The following CCDC91 variants were observed in gnomAD, a reference collection of about 807,000 sequenced individuals.
The protein encoded by CCDC91 is coiled-coil domain containing 91.
A neutral mutation model predicts 63.2 loss-of-function variants in CCDC91; 48 were observed. The ratio of observed to expected loss-of-function variants is 0.76; its 90% CI spans 0.60 to 0.97. CCDC91 has a LOEUF of 0.97. CCDC91 is among the 50% of genes least tolerant of loss of function. The pLI is 0.00. For missense variants in CCDC91, 500 were observed against 494.6 expected (o/e 1.01, Z -0.10); for synonymous variants, 167 against 165.8 (o/e 1.01, Z -0.06).
intron 6 of CCDC91, among the ~76,000 whole-genome samples, chr12:28,354,755 A>T (rs1943414041): frequency 6.6e-6 from 1 of 152,172 alleles, no homozygotes; most frequent in Non-Finnish European, 1.5e-5. Context: ...TGGAGACCAG[A>T]CTTAAAGTGG....
At chr12:28,245,856 T>C (rs550163244) in intron 1 of CCDC91, among the ~76,000 whole-genome samples, 4 of 152,296 alleles carry the variant, frequency 2.6e-5, no homozygotes, top group African/African-American at 9.6e-5. Context: ...CTTTTTCATT[T>C]TCCTGTGAAA....
At chr12:28,470,029 A>G (rs1950735342) in intron 11 of CCDC91, among the ~76,000 whole-genome samples, 1 of 152,192 alleles carries the variant, frequency 6.6e-6, no homozygotes, top group Non-Finnish European at 1.5e-5. Flanking sequence ...CTGGGCAAAG[A>G]TTTCTTGAGT....
chr12:28,270,133 G>T (rs1482427877), intron 3 of CCDC91, among the ~76,000 whole-genome samples: 1 of 150,890 alleles, frequency 6.6e-6, no homozygotes, highest in Non-Finnish European at 1.5e-5. Context: ...TGTTTTTTTT[G>T]GAGTGACTGT....
At chr12:28,220,889 A>G (rs1943892521) in intron 1 of CCDC91, among the ~76,000 whole-genome samples, 1 of 151,946 alleles carries the variant, frequency 6.6e-6, no homozygotes, top group African/African-American at 2.4e-5. Flanking sequence ...GTTTTCTGTA[A>G]TTAGATTATG....
In CCDC91 at chr12:28,452,501, T is replaced by A. The variant is rs375729372; in HGVS notation, c.948T>A (p.Asp316Glu). ...AGCTTGAAAAAGAAGCAGTGAAGGA[T>A]GCAGTTTTAAAAGTCGTAGAAGAAG... ...AAKLEKEAVK[D>E]AVLKVVEEER... Residue 316 changes from aspartate (D) to glutamate (E), a missense_variant, in exon 11 of 13, where the codon GAT (aspartate) becomes GAA (glutamate). Physicochemically the swap from Asp to Glu is conservative, Grantham distance 45 (BLOSUM62 2). Transcript: ENST00000536442. 3 of 1,571,706 alleles carry A rather than the reference T, an allele frequency of 1.9e-6. No homozygotes were observed. In the African/African-American group the frequency reaches 4.2e-5, roughly 22 times the overall value.
intron 6 of CCDC91, among the ~76,000 whole-genome samples, chr12:28,331,771 C>T (rs1941534349): frequency 6.6e-6 from 1 of 152,096 alleles, no homozygotes; most frequent in South Asian, 2.1e-4. Flanking sequence ...CTTTGGGACA[C>T]ATTTCTTAGG....
intron 11 of CCDC91, among the ~76,000 whole-genome samples, chr12:28,477,775 C>CA (rs1466637398): frequency 6.6e-6 from 1 of 152,126 alleles, no homozygotes; most frequent in Non-Finnish European, 1.5e-5. Flanking sequence ...TCTCAGGATA[C>CA]AAAATCAATG....
At chr12:28,363,273 A>T (rs750452660) in intron 7 of CCDC91, among the ~76,000 whole-genome samples, 1 of 152,126 alleles carries the variant, frequency 6.6e-6, no homozygotes, top group Admixed American at 6.5e-5. Flanking sequence ...TGATTAAAAA[A>T]AATGTTATCT....
chr12:28,504,757 AT>A (rs1938493362), intron 12 of CCDC91, among the ~76,000 whole-genome samples: 1 of 151,940 alleles, frequency 6.6e-6, no homozygotes, highest in African/African-American at 2.4e-5. Flanking sequence ...CACTTAAAAT[AT>A]TCTTACGCAT....
At chr12:28,421,979 C>T (rs1948042078) in intron 8 of CCDC91, among the ~76,000 whole-genome samples, 1 of 152,052 alleles carries the variant, frequency 6.6e-6, no homozygotes, top group Non-Finnish European at 1.5e-5. Context: ...TTGTGCTTTT[C>T]TAATTTGCCT....
intron 8 of CCDC91, among the ~76,000 whole-genome samples, chr12:28,406,464 C>T (rs755183496): frequency 1.3e-5 from 2 of 152,010 alleles, no homozygotes; most frequent in Non-Finnish European, 2.9e-5. Flanking sequence ...CACAATTTTG[C>T]TCATTTGTTG....
At chr12:28,545,855 C>T (rs553038772) in intron 12 of CCDC91, among the ~76,000 whole-genome samples, 1 of 152,142 alleles carries the variant, frequency 6.6e-6, no homozygotes, top group South Asian at 2.1e-4. Context: ...TGTTACTTAG[C>T]AACAGAGGTT....
chr12:28,537,092 G>A (rs1300114579), intron 12 of CCDC91, among the ~76,000 whole-genome samples: 1 of 152,014 alleles, frequency 6.6e-6, no homozygotes, highest in Non-Finnish European at 1.5e-5. Flanking sequence ...TAAATTTGTT[G>A]TTGTGGCAAC....
intron 1 of CCDC91, among the ~76,000 whole-genome samples, chr12:28,224,694 GAATTA>G (rs916941264): frequency 6.6e-6 from 1 of 152,164 alleles, no homozygotes; most frequent in African/African-American, 2.4e-5. Flanking sequence ...AAGAGAAATT[GAATTA>G]AATTCTTGAG....
intron 11 of CCDC91, among the ~76,000 whole-genome samples, chr12:28,478,194 C>A (rs1422524117): frequency 6.6e-6 from 1 of 152,178 alleles, no homozygotes; most frequent in African/African-American, 2.4e-5. Flanking sequence ...AGGCATCACA[C>A]TACCTGACTT....
rs760161955 is a variant in CCDC91, at chr12:28,307,641, T to TG, written c.472-4_472-3insG. The TG allele has an allele frequency of 6.9e-7, 1 of 1,444,536 alleles. No homozygotes were observed. The highest frequency in any genetic ancestry group is 9.5e-7 in the Non-Finnish European group (1 of 1,057,568). 89.5% of individuals were successfully genotyped at this position (1,444,536 alleles called of 1,614,324 possible). Reference sequence around the variant, plus strand: ...CAAAGCTTGTATTTGTATTTTTATTTTAGGATGTGGAATCATTGATGGAAA... The same window carrying TG: ...CAAAGCTTGTATTTGTATTTTTATTTGTAGGATGTGGAATCATTGATGGAAA... On this transcript the variant is annotated splice_region_variant and splice_polypyrimidine_tract_variant and intron_variant, in intron 5 of 12. Transcript: ENST00000536442.
At chr12:28,521,696 A>G (rs1356119797) in intron 12 of CCDC91, among the ~76,000 whole-genome samples, 1 of 152,130 alleles carries the variant, frequency 6.6e-6, no homozygotes, top group Non-Finnish European at 1.5e-5. Flanking sequence ...TCAGTATGAT[A>G]TTGGCTGTGG....
At chr12:28,290,280 CTG>C (rs1364478410) in intron 3 of CCDC91, among the ~76,000 whole-genome samples, 2 of 152,050 alleles carry the variant, frequency 1.3e-5, no homozygotes, top group East Asian at 3.9e-4. Context: ...TTTTGGATCT[CTG>C]TTGGTTTGAA....
chr12:28,415,015 T>C (rs755444318), intron 8 of CCDC91, among the ~76,000 whole-genome samples: 12 of 152,200 alleles, frequency 7.9e-5, no homozygotes, highest in Non-Finnish European at 1.2e-4. Context: ...GGTCAAATAA[T>C]ATAGAAAACA....
Sources: allele counts gnomAD v4.1 joint callset (sites outside exome capture counted in the v4.1 genomes callset), GRCh38; gene constraint gnomAD v4.1.1; transcripts MANE v1.5; gene names NCBI Gene and HGNC (gene_info 2026-07-23, HGNC 2026-07-21).